Variants in AGAP1 observed in about 807,000 individuals in gnomAD.
AGAP1 encodes ArfGAP with GTPase domain, ankyrin repeat and PH domain 1.
Under a neutral mutation model 105.3 loss-of-function variants are expected in AGAP1, and 29 were observed. That is an observed-to-expected ratio of 0.28 (90% CI 0.21 to 0.38). The LOEUF is 0.38. Among genes scored for constraint, AGAP1 ranks in the 10% least tolerant of loss-of-function variants. AGAP1 has a pLI of 1.00. For synonymous variants in AGAP1, 509 were observed against 485.9 expected (o/e 1.05, Z -0.63); for missense variants, 998 against 1,165.1 (o/e 0.86, Z 2.09).
intron 9 of AGAP1, among the ~76,000 whole-genome samples, chr2:235,820,419 CA>C (rs1413929721): frequency 1.3e-5 from 2 of 152,130 alleles, no homozygotes; most frequent in Non-Finnish European, 2.9e-5. Context: ...AAAATAATTT[CA>C]GAAAACTGGT....
chr2:235,834,728 C>T (rs1959915283), intron 9 of AGAP1, among the ~76,000 whole-genome samples: 1 of 152,110 alleles, frequency 6.6e-6, no homozygotes, highest in South Asian at 2.1e-4. Flanking sequence ...AATAAAAGGT[C>T]AGCAAGAGCG....
intron 10 of AGAP1, among the ~76,000 whole-genome samples, chr2:235,886,982 A>C (rs2050303155): frequency 6.6e-6 from 1 of 152,208 alleles, no homozygotes; most frequent in African/African-American, 2.4e-5. Flanking sequence ...AGAGGCATTC[A>C]ATGGGACACC....
intron 1 of AGAP1, among the ~76,000 whole-genome samples, chr2:235,645,175 C>T (rs1947332504): frequency 1.3e-5 from 2 of 152,120 alleles, no homozygotes; most frequent in African/African-American, 2.4e-5. Context: ...GGATTATAGG[C>T]GTGAGCCACT....
At chr2:235,940,066 TCACC>T (rs1277657508) in intron 12 of AGAP1, among the ~76,000 whole-genome samples, 1 of 152,162 alleles carries the variant, frequency 6.6e-6, no homozygotes, top group Non-Finnish European at 1.5e-5. Flanking sequence ...CGTCTGTTTC[TCACC>T]CACCTTTTCA....
At position 235,550,902 on chromosome 2, in the gene AGAP1, G is replaced by A. The variant is rs1217337401; in HGVS notation, c.163+56053G>A. ...CAATTCTCCTGCCTCAGCCTCCTGA[G>A]TAGCTGGGACTACAGGCGTGCACCA... is the stretch of plus-strand genomic sequence containing the variant. On this transcript the variant is annotated intron_variant, in intron 1 of 17. Transcript: ENST00000304032. This position sits in a 1 kb window ranked among gnomAD's most constrained non-coding sequence, Gnocchi z 4.6. 6.6e-6 allele frequency among the ~76,000 whole-genome samples: 1 copy of A among 152,114 alleles called. No individual in the cohort carries two copies. Among genetic ancestry groups the A allele is most frequent in the Non-Finnish European group, 1.5e-5 (1 of 68,030 alleles).
intron 9 of AGAP1, among the ~76,000 whole-genome samples, chr2:235,854,423 G>A (rs1282892312): frequency 6.6e-6 from 1 of 152,178 alleles, no homozygotes; most frequent in African/African-American, 2.4e-5. Context: ...AGCTCAGCTT[G>A]GCATGAGATG....
chr2:235,706,749 A>G (rs79880264), intron 1 of AGAP1, among the ~76,000 whole-genome samples: 4,851 of 152,250 alleles, frequency 0.032, 273 homozygotes, highest in African/African-American at 0.11. Context: ...CAGTGCAGCA[A>G]CAGAGTGACG....
chr2:235,667,687 G>A (rs1948170711), intron 1 of AGAP1, among the ~76,000 whole-genome samples: 4 of 152,176 alleles, frequency 2.6e-5, no homozygotes, highest in South Asian at 2.1e-4. Context: ...TTAGCCTGGC[G>A]TGGTGGCTCA....
At chr2:235,606,718 C>T (rs779438451) in intron 1 of AGAP1, among the ~76,000 whole-genome samples, 3 of 152,044 alleles carry the variant, frequency 2.0e-5, no homozygotes, top group East Asian at 1.9e-4. Flanking sequence ...GAGGCTGAGA[C>T]GGGCAGATCA....
intron 16 of AGAP1, among the ~76,000 whole-genome samples, chr2:236,116,477 G>A (rs2059773969): frequency 6.6e-6 from 1 of 151,540 alleles, no homozygotes; most frequent in African/African-American, 2.4e-5. Context: ...AGCCTCCTGA[G>A]TAGCTGGGAT....
intron 9 of AGAP1, among the ~76,000 whole-genome samples, chr2:235,849,965 T>C (rs1393665520): frequency 1.3e-5 from 2 of 152,194 alleles, no homozygotes; most frequent in African/African-American, 4.8e-5. Context: ...CTCTCAGCCT[T>C]CTTCATAGCC....
Position 235,714,068 on chromosome 2 carries a change from C to T in AGAP1, c.223-3489C>T, listed in dbSNP as rs1284836610. Among the ~76,000 whole-genome samples the T allele has an allele frequency of 2.0e-5, 3 of 152,094 alleles. No individual in the cohort carries two copies. Among genetic ancestry groups the T allele is most frequent in the Non-Finnish European group, 4.4e-5 (3 of 68,024 alleles). The stretch of plus-strand genomic sequence containing the variant: ...TCACTCTGTCGCCCAGGCTGGAGTG[C>T]GGTGGTGCAATCTCAGCTCACTGCA... On this transcript the variant is annotated intron_variant, in intron 2 of 17. Coordinates refer to ENST00000304032, the MANE Select transcript of AGAP1 (RefSeq NM_001037131.3). The surrounding 1 kb of genome is among the most constrained non-coding windows in gnomAD (Gnocchi z 4.1).
intron 1 of AGAP1, among the ~76,000 whole-genome samples, chr2:235,598,753 C>G (rs139990799): frequency 2.0e-3 from 306 of 152,220 alleles, no homozygotes; most frequent in African/African-American, 7.1e-3. Context: ...CATGGTGGCC[C>G]AGGGCTGTGT....
chr2:235,629,471 G>A (rs1424033227), intron 1 of AGAP1, among the ~76,000 whole-genome samples: 1 of 151,584 alleles, frequency 6.6e-6, no homozygotes, highest in African/African-American at 2.4e-5. Flanking sequence ...ACCAAGAAAA[G>A]GAGAACAGGA....
rs56777893 is a variant in AGAP1 at position 235,979,141 on chromosome 2, G to GT, written c.1645+10531dup. On this transcript the variant is annotated intron_variant, in intron 13 of 17. Transcript: ENST00000304032. The surrounding 1 kb of genome is among the most constrained non-coding windows in gnomAD (Gnocchi z 4.5). ...GTGGGGTTTTTTTGTTGTTGTTTTTGTTTTTTTTTTTTTGGGATATGATCT... is the reference window on the plus strand; with the variant it reads ...GTGGGGTTTTTTTGTTGTTGTTTTTGTTTTTTTTTTTTTTGGGATATGATCT... Among the ~76,000 whole-genome samples the GT allele has an allele frequency of 5.0e-3, 676 of 134,134 alleles. 1 individual carries two copies. Among genetic ancestry groups the GT allele is most frequent in the South Asian group, 6.8e-3 (29 of 4,248 alleles). 88.0% of individuals were successfully genotyped at this position (134,134 alleles called of 152,430 possible).
chr2:235,858,592 A>C (rs1014512286), intron 9 of AGAP1, among the ~76,000 whole-genome samples: 1 of 150,810 alleles, frequency 6.6e-6, no homozygotes, highest in East Asian at 2.0e-4. Flanking sequence ...GAGAGATGAT[A>C]AAAAAAAATA....
chr2:235,850,399 G>C (rs1428142385), intron 9 of AGAP1, among the ~76,000 whole-genome samples: 1 of 152,188 alleles, frequency 6.6e-6, no homozygotes, highest in Non-Finnish European at 1.5e-5. Flanking sequence ...ATCTCCCCTG[G>C]GGCAGTGCCT....
chr2:235,582,132 G>A lies in AGAP1; in HGVS notation c.163+87283G>A, dbSNP rs892762042. ...TGCTATGGGGCTGTCTGCTCTATAC[G>A]AGGAGCAGAGACCCCTGGATCCTAG... On this transcript the variant is annotated intron_variant, in intron 1 of 17. Coordinates refer to ENST00000304032, the MANE Select transcript of AGAP1 (RefSeq NM_001037131.3). This position sits in a 1 kb window ranked among gnomAD's most constrained non-coding sequence, Gnocchi z 4.7. 1.3e-5 allele frequency among the ~76,000 whole-genome samples: 2 copies of A among 152,140 alleles called. No individual in the cohort carries two copies. Among genetic ancestry groups the A allele is most frequent in the Non-Finnish European group, 2.9e-5 (2 of 68,022 alleles).
intron 1 of AGAP1, among the ~76,000 whole-genome samples, chr2:235,529,960 G>A (rs922033303): frequency 6.6e-6 from 1 of 152,138 alleles, no homozygotes; most frequent in African/African-American, 2.4e-5. Context: ...AGGCTTGTTG[G>A]AGCCTTTGCC....
Sources: gnomAD v4.1 joint callset for allele counts (sites outside exome capture counted in the v4.1 genomes callset) on GRCh38, gnomAD v4.1.1 for gene constraint, Gnocchi (gnomAD v3.1) non-coding constraint, MANE v1.5 for transcripts, NCBI Gene and HGNC (gene_info 2026-07-23, HGNC 2026-07-21) for gene names.